DDR2: variants seen among roughly 807,000 people sequenced by gnomAD.
DDR2 encodes the protein discoidin domain-containing receptor 2.
DDR2 carries 27 observed loss-of-function variants against 94.9 expected under a neutral mutation model. That is an observed-to-expected ratio of 0.28 (90% CI 0.21 to 0.39). DDR2 has a LOEUF of 0.39. Ranked by LOEUF, DDR2 falls within the 10% of genes least tolerant of loss-of-function variation. The pLI is 1.00. For synonymous variants in DDR2, 382 were observed against 377.2 expected, an observed-to-expected ratio of 1.01 and a Z score of -0.15; for missense variants, 783 against 1,076.0, an observed-to-expected ratio of 0.73 and a Z score of 3.81.
At chr1:162,737,893 A>G (rs1432156152) in intron 3 of DDR2, among the ~76,000 whole-genome samples, 1 of 150,834 alleles carries the variant, frequency 6.6e-6, no homozygotes, top group Non-Finnish European at 1.5e-5. Context: ...TTTGATTTGC[A>G]TTTCTCTGAT....
At chr1:162,769,427 A>T (rs1664156631) in intron 11 of DDR2, among the ~76,000 whole-genome samples, 1 of 152,210 alleles carries the variant, frequency 6.6e-6, no homozygotes, top group Non-Finnish European at 1.5e-5. Context: ...TGTCCTCAAC[A>T]TTCCTTCTTT....
At chr1:162,749,144 A>T (rs2102113873) in intron 3 of DDR2, among the ~76,000 whole-genome samples, 1 of 152,312 alleles carries the variant, frequency 6.6e-6, no homozygotes, top group East Asian at 1.9e-4. Flanking sequence ...AAGGCAAGAA[A>T]TAACTAAGAT....
Position 162,709,750 on chromosome 1 carries a change from C to T in DDR2, c.-27-9287C>T, listed in dbSNP as rs982359656. Among the ~76,000 whole-genome samples, 3 of 152,152 alleles carry T rather than the reference C, an allele frequency of 2.0e-5. No individual in the cohort carries two copies. In the East Asian group the frequency reaches 5.8e-4, roughly 29 times the overall value. On this transcript the variant is annotated intron_variant, in intron 2 of 17. Coordinates refer to ENST00000367921, the MANE Select transcript of DDR2 (RefSeq NM_006182.4). ...AGAGGAGCTGGTTGGGAAAGATACT[C>T]ACATGCAGAAAAGTTTCCAGCAAGT...
chr1:162,767,404 C>A, intron 11 of DDR2, 45 bp downstream of exon 11: 1 of 1,609,058 alleles, frequency 6.2e-7, no homozygotes, highest in South Asian at 1.1e-5. Flanking sequence ...CTGCTCCTTT[C>A]TTTCTTAAGC....
At position 162,781,771 on chromosome 1, in the gene DDR2, T is replaced by C. The variant is rs1364216854; in HGVS notation, c.*1525T>C. On this transcript the variant is annotated 3_prime_UTR_variant, in exon 18 of 18. Coordinates refer to ENST00000367921, the MANE Select transcript of DDR2 (RefSeq NM_006182.4). ...CTGAGTTTTCACACTCCACAAATCC[T>C]CAGATTTAGTGGGAAGCTGGAAAAA... is the stretch of plus-strand genomic sequence containing the variant. 1 of 152,088 alleles carries C rather than the reference T, an allele frequency of 6.6e-6. No homozygotes were observed. The highest frequency in any genetic ancestry group is 1.5e-5 in the Non-Finnish European group (1 of 68,030). The allele number at this position is 152,088 out of a possible 1,614,324, so 9.4% of individuals were successfully genotyped here.
chr1:162,778,313 G>A (rs1647702422), intron 16 of DDR2, among the ~76,000 whole-genome samples: 1 of 152,138 alleles, frequency 6.6e-6, no homozygotes, highest in African/African-American at 2.4e-5. Flanking sequence ...GAGTTGAAAG[G>A]TTGACCTAAC....
chr1:162,761,134 A>G (rs1032442807), intron 8 of DDR2, 77 bp from the exon 9 acceptor site: 2 of 1,602,514 alleles, frequency 1.2e-6, no homozygotes, highest in Non-Finnish European at 1.7e-6. Flanking sequence ...GACGGCAACT[A>G]CTGAGTTGGC....
At chr1:162,760,072 T>A in intron 8 of DDR2, 93 bp downstream of exon 8, 3 of 1,530,970 alleles carry the variant, frequency 2.0e-6, no homozygotes, top group Non-Finnish European at 2.7e-6. Context: ...TCTAGGCTGA[T>A]GCCAGTTCAA....
intron 2 of DDR2, among the ~76,000 whole-genome samples, chr1:162,675,515 C>T (rs1195646978): frequency 6.6e-6 from 1 of 152,154 alleles, no homozygotes; most frequent in Non-Finnish European, 1.5e-5. Context: ...TTTCAAGGAA[C>T]CACTTTGTTA....
chr1:162,686,854 A>G (rs1659713595), intron 2 of DDR2, among the ~76,000 whole-genome samples: 1 of 152,256 alleles, frequency 6.6e-6, no homozygotes, highest in Non-Finnish European at 1.5e-5. Context: ...CTGGGATTAC[A>G]GGCATGAGCC....
intron 11 of DDR2, 115 bp downstream of exon 11, chr1:162,767,474 T>C (rs1571312999): frequency 2.1e-6 from 3 of 1,444,608 alleles, no homozygotes; most frequent in East Asian, 5.0e-5. Context: ...TGGAATTAAC[T>C]GAGGCTACCA....
intron 4 of DDR2, 92 bp from the exon 5 acceptor site, chr1:162,754,532 C>G (rs772559323): frequency 7.7e-7 from 1 of 1,291,404 alleles, no homozygotes; most frequent in Non-Finnish European, 1.1e-6. Context: ...TGCTCTCTCC[C>G]CTCAGTACAG....
intron 16 of DDR2, among the ~76,000 whole-genome samples, chr1:162,777,351 CTT>C (rs1274828860): frequency 6.6e-6 from 1 of 152,102 alleles, no homozygotes; most frequent in East Asian, 1.9e-4. Context: ...CTATTTTTAA[CTT>C]AACATTTTAT....
intron 2 of DDR2, among the ~76,000 whole-genome samples, chr1:162,717,041 T>C (rs1488781759): frequency 6.6e-6 from 1 of 152,004 alleles, no homozygotes; most frequent in Non-Finnish European, 1.5e-5. Context: ...CTTTGTATTC[T>C]AGAACAGTTT....
intron 3 of DDR2, among the ~76,000 whole-genome samples, chr1:162,728,740 C>A (rs1661849453): frequency 6.6e-6 from 1 of 152,120 alleles, no homozygotes. Context: ...TGATTCTTGA[C>A]CCTAGTGATC....
intron 4 of DDR2, among the ~76,000 whole-genome samples, chr1:162,754,188 A>G (rs1399296823): frequency 1.3e-5 from 2 of 152,068 alleles, no homozygotes; most frequent in Non-Finnish European, 2.9e-5. Context: ...ATCCTGCTGC[A>G]TTGCATAACC....
chr1:162,728,161 A>AATATATAGATAGATATCTCTTTATAT (rs1661811210), intron 3 of DDR2, among the ~76,000 whole-genome samples: 1 of 137,700 alleles, frequency 7.3e-6, no homozygotes. Flanking sequence ...TATCTATATA[A>AATATATAGATAGATATCTCTTTATAT]ATATATAGAT....
At chr1:162,699,080 C>T (rs532248347) in intron 2 of DDR2, among the ~76,000 whole-genome samples, 2 of 152,276 alleles carry the variant, frequency 1.3e-5, no homozygotes, top group East Asian at 1.9e-4. Flanking sequence ...GCTCCCATGA[C>T]GGGAGATTCA....
intron 3 of DDR2, among the ~76,000 whole-genome samples, chr1:162,743,228 T>C (rs1338009228): frequency 6.6e-6 from 1 of 152,090 alleles, no homozygotes; most frequent in Non-Finnish European, 1.5e-5. Context: ...CTTGGTATGA[T>C]ACAAGCAGAA....
Sources: gnomAD v4.1 joint callset for allele counts (sites outside exome capture counted in the v4.1 genomes callset) on GRCh38, gnomAD v4.1.1 for gene constraint, MANE v1.5 for transcripts, NCBI Gene and HGNC (gene_info 2026-07-23, HGNC 2026-07-21) for gene names.